XCR1: variants seen among roughly 807,000 people sequenced by gnomAD.
The protein encoded by XCR1 is X-C motif chemokine receptor 1.
For missense variants in XCR1, 356 were observed against 424.2 expected (o/e 0.84, Z 1.41); for synonymous variants, 187 against 188.5 (o/e 0.99, Z 0.06).
chr3:46,024,213 G>T, intron 1 of XCR1: 2 of 207,886 alleles, frequency 9.6e-6, no homozygotes, highest in East Asian at 7.9e-5. Flanking sequence ...AGTTAATCCA[G>T]CAAAAAAAAA....
Position 46,064,449 on chromosome 3 carries a change from T to C in XCR1, c.-183+2450A>G, listed in dbSNP as rs921624288. Among the ~76,000 whole-genome samples, 3 of 152,192 alleles carry C rather than the reference T, an allele frequency of 2.0e-5. No homozygotes were observed. The East Asian group carries it at 5.8e-4, about 29-fold the overall frequency. Reference sequence around the variant, plus strand: ...CTCTCTTGTATCATGGGAGGTTAAATATGGCTGCAAATTCTTTACTGCTCC... The same window carrying C: ...CTCTCTTGTATCATGGGAGGTTAAACATGGCTGCAAATTCTTTACTGCTCC... On this transcript the variant is annotated intron_variant, in intron 4 of 5. Coordinates refer to the XCR1 transcript ENST00000683768.
intron 5 of XCR1, among the ~76,000 whole-genome samples, chr3:46,052,071 C>T (rs73830714): frequency 0.016 from 2,397 of 152,166 alleles, 73 homozygotes; most frequent in African/African-American, 0.055. Flanking sequence ...CCTTCATAAC[C>T]AGAGTCAACA....
At chr3:46,076,591 A>AG (rs1698265463) in intron 2 of XCR1, among the ~76,000 whole-genome samples, 1 of 151,798 alleles carries the variant, frequency 6.6e-6, no homozygotes, top group African/African-American at 2.4e-5. Context: ...AAAAAAAAAA[A>AG]AATAGGATAT....
chr3:46,044,701 A>C (rs1697593441), intron 5 of XCR1, among the ~76,000 whole-genome samples: 1 of 152,236 alleles, frequency 6.6e-6, no homozygotes. Context: ...TATTAGAAAT[A>C]TGATAAAGAA....
At chr3:46,045,885 G>T (rs995642744) in intron 5 of XCR1, among the ~76,000 whole-genome samples, 2 of 152,144 alleles carry the variant, frequency 1.3e-5, no homozygotes, top group Non-Finnish European at 2.9e-5. Context: ...CAAAAGGAAA[G>T]AAATTATTAT....
intron 5 of XCR1, among the ~76,000 whole-genome samples, chr3:46,039,442 G>A (rs79322360): frequency 4.7e-3 from 600 of 126,698 alleles, no homozygotes; most frequent in South Asian, 9.2e-3. Flanking sequence ...ACTTTAATCC[G>A]GTGGTTTGAA....
chr3:46,074,596 G>A (rs1212560112), intron 3 of XCR1, among the ~76,000 whole-genome samples: 1 of 151,858 alleles, frequency 6.6e-6, no homozygotes, highest in Admixed American at 6.6e-5. Context: ...CAATGCAATT[G>A]TACCACTTAA....
intron 3 of XCR1, among the ~76,000 whole-genome samples, chr3:46,068,473 A>T (rs1390027782): frequency 6.6e-6 from 1 of 152,086 alleles, no homozygotes; most frequent in Non-Finnish European, 1.5e-5. Flanking sequence ...AAGGAGAATT[A>T]CTTTGATTGA....
intron 4 of XCR1, among the ~76,000 whole-genome samples, chr3:46,065,791 C>T (rs75134295): frequency 6.6e-6 from 1 of 152,068 alleles, no homozygotes; most frequent in East Asian, 1.9e-4. Flanking sequence ...GAGGACTGAG[C>T]CCTGGGCGGT....
At chr3:46,061,128 G>A (rs1500005) in intron 4 of XCR1, among the ~76,000 whole-genome samples, 49,636 of 152,162 alleles carry the variant, frequency 0.33, 10,008 homozygotes, top group East Asian at 0.66. Context: ...TGGGGGGAAT[G>A]GGAGGAAAGC....
At chr3:46,076,724 A>G (rs774702451) in intron 2 of XCR1, among the ~76,000 whole-genome samples, 12 of 152,162 alleles carry the variant, frequency 7.9e-5, no homozygotes, top group African/African-American at 2.2e-4. Flanking sequence ...CTATACCTCA[A>G]TGGTCCCAAA....
chr3:46,023,235 C>T lies in XCR1; in HGVS notation c.-31-1257G>A, dbSNP rs1708201430. On this transcript the variant is annotated intron_variant, in intron 1 of 1. Transcript: ENST00000309285. ...AGAGGACGCGGCTGCGTCGCGCTCCCCTGCGATCCCCTCCATGTTCCCTGG... is the reference window on the plus strand; with the variant it reads ...AGAGGACGCGGCTGCGTCGCGCTCCTCTGCGATCCCCTCCATGTTCCCTGG... 3 of 587,890 alleles carry T rather than the reference C, an allele frequency of 5.1e-6. No individual in the cohort carries two copies. The South Asian group carries it at 6.4e-5, about 13-fold the overall frequency. 36.4% of individuals were successfully genotyped at this position (587,890 alleles called of 1,614,324 possible). A position where few individuals can be genotyped will look rare whatever the true frequency, so the allele number is the denominator to read the frequency against.
intron 5 of XCR1, among the ~76,000 whole-genome samples, chr3:46,044,291 T>C (rs928010132): frequency 3.3e-5 from 5 of 152,170 alleles, no homozygotes; most frequent in Non-Finnish European, 7.4e-5. Context: ...CTGGCCCTCA[T>C]TGTGGTTTTG....
At chr3:46,073,462 C>A (rs1698196124) in intron 3 of XCR1, among the ~76,000 whole-genome samples, 1 of 152,008 alleles carries the variant, frequency 6.6e-6, no homozygotes, top group South Asian at 2.1e-4. Flanking sequence ...GTGGCACACA[C>A]CTGTAATCCC....
chr3:46,021,342 C>T lies in XCR1; in HGVS notation c.606G>A (p.Leu202=), dbSNP rs767797254. The T allele has an allele frequency of 1.2e-6, 2 of 1,614,160 alleles. No homozygotes were observed. The highest frequency in any genetic ancestry group is 1.1e-5 in the South Asian group (1 of 91,086). Residue 202 remains leucine, a synonymous_variant, in exon 2 of 2, where the codon CTG becomes CTA. Transcript: ENST00000309285. The surrounding 1 kb of genome is among the most constrained non-coding windows in gnomAD (Gnocchi z 4.7). ...TCCTGAGGATCTCCACGTAGCAGAA[C>T]AGGATAATCCCCAGGGACAGCAGGA... ...LFFLLSLGII[L]FCYVEILRTL... is the part of the protein sequence containing the mutation.
At chr3:46,072,857 C>G (rs1255799185) in intron 3 of XCR1, among the ~76,000 whole-genome samples, 1 of 152,206 alleles carries the variant, frequency 6.6e-6, no homozygotes, top group Non-Finnish European at 1.5e-5. Context: ...ATCACATTAT[C>G]TGAGTTCAAA....
At chr3:46,075,354 C>CCTCAATCTA (rs1698241189) in intron 2 of XCR1, among the ~76,000 whole-genome samples, 1 of 128,476 alleles carries the variant, frequency 7.8e-6, no homozygotes, top group Non-Finnish European at 1.7e-5. Context: ...AACCAAGAAA[C>CCTCAATCTA]CTCAATCTAA....
chr3:46,023,728 C>T (rs568561238), intron 1 of XCR1: 4 of 1,538,626 alleles, frequency 2.6e-6, no homozygotes, highest in Admixed American at 1.7e-5. Flanking sequence ...ACTATATTTA[C>T]TTCAGCAAAA....
intron 4 of XCR1, among the ~76,000 whole-genome samples, chr3:46,063,968 G>C (rs1014935510): frequency 6.6e-6 from 1 of 152,100 alleles, no homozygotes; most frequent in African/African-American, 2.4e-5. Context: ...CTCCTCCCAG[G>C]CTTGAGCAAT....
Sources: allele counts gnomAD v4.1 joint callset (sites outside exome capture counted in the v4.1 genomes callset), GRCh38; gene constraint gnomAD v4.1.1; non-coding constraint Gnocchi (gnomAD v3.1); transcripts MANE v1.5; gene names NCBI Gene and HGNC (gene_info 2026-07-23, HGNC 2026-07-21).